Variants in EVC observed in about 807,000 individuals in gnomAD.
EVC encodes evC complex member EVC.
EVC carries 116 observed loss-of-function variants against 118.9 expected under a neutral mutation model. That is an observed-to-expected ratio of 0.98 (90% CI 0.84 to 1.14). The LOEUF is 1.14. EVC is among the 50% of genes most tolerant of loss of function. The pLI is 0.00. For synonymous variants in EVC, 619 were observed against 534.7 expected, an observed-to-expected ratio of 1.16 and a Z score of -2.18; for missense variants, 1,401 against 1,246.4, an observed-to-expected ratio of 1.12 and a Z score of -1.87.
intron 11 of EVC, 75 bp from the exon 12 acceptor site, chr4:5,783,477 G>A: frequency 7.1e-7 from 1 of 1,415,036 alleles, no homozygotes; most frequent in Non-Finnish European, 1.0e-6. Context: ...TTGTGGAGGA[G>A]AGGCAGAGAG....
Position 5,813,340 on chromosome 4 carries a change from T to C in EVC, c.*2303T>C, listed in dbSNP as rs915952245. ...CCTCAGCCTCCCCAGTAGCTGGGAC[T>C]ACAGACGTGTGCCACCACGCCTGGC... On this transcript the variant is annotated 3_prime_UTR_variant, in exon 21 of 21. Transcript: ENST00000264956. 4 of 152,262 alleles carry C rather than the reference T, an allele frequency of 2.6e-5. No homozygotes were observed. The highest frequency in any genetic ancestry group is 4.4e-5 in the Non-Finnish European group (3 of 68,064). 9.4% of individuals were successfully genotyped at this position (152,262 alleles called of 1,614,324 possible).
At chr4:5,825,672 A>G in the EVC span, 1 of 1,612,246 alleles carries the variant, frequency 6.2e-7, no homozygotes, top group Non-Finnish European at 8.5e-7. The surrounding 1 kb of genome is among the most constrained non-coding windows in gnomAD (Gnocchi z 4.4). Context: ...AAACAGAGGA[A>G]GGGAGAGTGT....
intron 18 of EVC, among the ~76,000 whole-genome samples, chr4:5,809,211 C>T (rs930215978): frequency 2.0e-5 from 3 of 152,166 alleles, no homozygotes; most frequent in African/African-American, 7.2e-5. Context: ...AGAAGTGAGT[C>T]CCATCCTATT....
At chr4:5,735,207 C>T (rs1330140609) in intron 5 of EVC, among the ~76,000 whole-genome samples, 1 of 152,202 alleles carries the variant, frequency 6.6e-6, no homozygotes, top group Non-Finnish European at 1.5e-5. Context: ...TGGCAGGCAG[C>T]ATGGCAAAGG....
Position 5,808,209 on chromosome 4 carries a change from C to T in EVC, c.2570C>T (p.Ser857Phe). ...TGCCTTCCTCCCCCCAGGATGCTGT[C>T]CCAGCAGAAGAGGTTCCTGGCCCAG... Reference protein sequence around the residue: ...TSQAVHQRMLSQQKRFLAQFP... With the variant: ...TSQAVHQRMLFQQKRFLAQFP... Residue 857 changes from serine (S) to phenylalanine (F), a missense_variant, in exon 18 of 21, where the codon TCC becomes TTC. Physicochemically the swap from Ser to Phe is radical, Grantham distance 155 (BLOSUM62 -2). Coordinates refer to ENST00000264956, the MANE Select transcript of EVC (RefSeq NM_153717.3). 3 of 1,504,126 alleles carry T rather than the reference C, an allele frequency of 2.0e-6. No individual in the cohort carries two copies. The highest frequency in any genetic ancestry group is 2.7e-6 in the Non-Finnish European group (3 of 1,121,334). The allele number at this position is 1,504,126 out of a possible 1,614,324, so 93.2% of individuals were successfully genotyped here. A position where few individuals can be genotyped will look rare whatever the true frequency, so the allele number is the denominator to read the frequency against.
chr4:5,827,667 C>G, the EVC span, among the ~76,000 whole-genome samples: 1 of 151,848 alleles, frequency 6.6e-6, no homozygotes, highest in East Asian at 1.9e-4. Context: ...CATATGCACA[C>G]ATACACACGT....
At position 5,711,516 on chromosome 4, in the gene EVC, C is replaced by T. The variant is rs1246844384; in HGVS notation, c.136C>T (p.Leu46Phe). Residue 46 changes from leucine (L) to phenylalanine (F), a missense_variant, in exon 1 of 21, where the codon CTT becomes TTT. Coordinates refer to ENST00000264956, the MANE Select transcript of EVC (RefSeq NM_153717.3). ...GCTCGGCCTCGGCCTCGGCCTTTGG[C>T]TTGGCTGCCGCGCGGGCCGCCAGCG... is the stretch of plus-strand genomic sequence containing the variant. ...AALGLGLGLW[L>F]GCRAGRQRTR... 8.6e-6 allele frequency: 10 copies of T among 1,166,348 alleles called. No homozygotes were observed. In the East Asian group the frequency reaches 3.4e-4, roughly 40 times the overall value. 72.2% of individuals were successfully genotyped at this position (1,166,348 alleles called of 1,614,324 possible).
At chr4:5,801,828 T>C in intron 15 of EVC, 122 bp from the exon 16 acceptor site, 1 of 1,090,864 alleles carries the variant, frequency 9.2e-7, no homozygotes, top group South Asian at 1.3e-5. Flanking sequence ...TCCTGACCAA[T>C]CCAGGTTGGT....
At chr4:5,794,325 T>TCA (rs1713436313) in intron 13 of EVC, among the ~76,000 whole-genome samples, 1 of 135,262 alleles carries the variant, frequency 7.4e-6, no homozygotes, top group Non-Finnish European at 1.5e-5. Context: ...TTATATATAT[T>TCA]TATATATATT....
At chr4:5,759,428 C>T (rs562852846) in intron 11 of EVC, among the ~76,000 whole-genome samples, 2 of 152,244 alleles carry the variant, frequency 1.3e-5, no homozygotes, top group South Asian at 4.1e-4. Context: ...TGGAGCCAGA[C>T]ATCTGGGGTT....
intron 11 of EVC, among the ~76,000 whole-genome samples, chr4:5,769,409 C>T (rs755597543): frequency 3.3e-5 from 5 of 152,172 alleles, no homozygotes; most frequent in African/African-American, 9.7e-5. Context: ...TAGGTGGGGA[C>T]ACAGCTAAAC....
intron 6 of EVC, 82 bp from the exon 7 acceptor site, chr4:5,745,122 A>G: frequency 6.5e-6 from 9 of 1,384,096 alleles, no homozygotes; most frequent in Non-Finnish European, 9.0e-6. Context: ...TTGAAAAATA[A>G]AAGCATTTAT....
At chr4:5,823,921 GT>G in the EVC span, among the ~76,000 whole-genome samples, 5 of 152,204 alleles carry the variant, frequency 3.3e-5, 1 homozygote. Flanking sequence ...CATCTGTGAG[GT>G]TGTTATGATG....
chr4:5,766,223 A>T (rs1386442517), intron 11 of EVC, among the ~76,000 whole-genome samples: 12 of 151,402 alleles, frequency 7.9e-5, no homozygotes, highest in Admixed American at 5.9e-4. Flanking sequence ...AGAATGTTGG[A>T]TATTGGCCCC....
At chr4:5,735,569 C>A (rs371372282) in intron 5 of EVC, among the ~76,000 whole-genome samples, 1 of 152,326 alleles carries the variant, frequency 6.6e-6, no homozygotes, top group South Asian at 2.1e-4. Context: ...GGCATGGTCA[C>A]AGCAGTGATT....
chr4:5,806,341 C>T (rs1432355045), intron 17 of EVC, among the ~76,000 whole-genome samples: 4 of 152,016 alleles, frequency 2.6e-5, no homozygotes, highest in African/African-American at 4.8e-5. Flanking sequence ...CTTGGCCTCT[C>T]GGTGCTGGGA....
chr4:5,806,072 A>T (rs1399979360), intron 17 of EVC, among the ~76,000 whole-genome samples: 6 of 148,156 alleles, frequency 4.0e-5, no homozygotes, highest in Admixed American at 1.3e-4. Flanking sequence ...TCTGTTGTCC[A>T]TCCTTCCACT....
intron 3 of EVC, among the ~76,000 whole-genome samples, chr4:5,730,564 C>A (rs1054797949): frequency 6.6e-6 from 1 of 152,006 alleles, no homozygotes; most frequent in Non-Finnish European, 1.5e-5. Context: ...GTCAGCAGAG[C>A]GTCAGCCCCA....
chr4:5,825,842 T>A, the EVC span: 1 of 605,396 alleles, frequency 1.7e-6, no homozygotes, highest in African/African-American at 2.4e-5. This position sits in a 1 kb window ranked among gnomAD's most constrained non-coding sequence, Gnocchi z 4.4. Flanking sequence ...CACACAGGCA[T>A]TCATACACAC....
Sources: gnomAD v4.1 joint callset for allele counts (sites outside exome capture counted in the v4.1 genomes callset) on GRCh38, gnomAD v4.1.1 for gene constraint, Gnocchi (gnomAD v3.1) non-coding constraint, MANE v1.5 for transcripts, NCBI Gene and HGNC (gene_info 2026-07-23, HGNC 2026-07-21) for gene names.